The following TCF12 variants were observed in gnomAD, a reference collection of about 807,000 sequenced individuals.
The protein encoded by TCF12 is transcription factor 12.
TCF12 carries 45 observed loss-of-function variants against 86.0 expected under a neutral mutation model. That is an observed-to-expected ratio of 0.52 (90% CI 0.41 to 0.67). TCF12 has a LOEUF of 0.67. Ranked by LOEUF, TCF12 falls within the 30% of genes least tolerant of loss-of-function variation. The pLI is 0.00. For synonymous variants in TCF12, 330 were observed against 299.6 expected, an observed-to-expected ratio of 1.10 and a Z score of -1.05; for missense variants, 881 against 859.9, an observed-to-expected ratio of 1.02 and a Z score of -0.31.
At chr15:57,223,643 GTTTT>G (rs550493641) in intron 8 of TCF12, among the ~76,000 whole-genome samples, 797 of 69,604 alleles carry the variant, frequency 0.011, 8 homozygotes, top group African/African-American at 0.018. Flanking sequence ...TACCAATGAG[GTTTT>G]TTTTTTTTTT....
chr15:57,078,095 G>A (rs1333478599), intron 4 of TCF12, among the ~76,000 whole-genome samples: 7 of 152,140 alleles, frequency 4.6e-5, no homozygotes, highest in African/African-American at 1.7e-4. Flanking sequence ...GACACCAGAG[G>A]TGCTTATTGA....
At chr15:56,925,867 A>T (rs1455311730) in intron 3 of TCF12, among the ~76,000 whole-genome samples, 1 of 152,250 alleles carries the variant, frequency 6.6e-6, no homozygotes, top group Non-Finnish European at 1.5e-5. Context: ...ACTTAAATAT[A>T]TTCAAAAGAC....
At chr15:57,279,534 T>C (rs939185466) in intron 19 of TCF12, among the ~76,000 whole-genome samples, 1 of 152,208 alleles carries the variant, frequency 6.6e-6, no homozygotes, top group Non-Finnish European at 1.5e-5. Context: ...TTAGTCTTTT[T>C]TGAATCAAAG....
At position 57,232,330 on chromosome 15, in the gene TCF12, A is replaced by G. The variant is rs2059172778; in HGVS notation, c.725A>G (p.Asn242Ser). 1 of 1,614,068 alleles carries G rather than the reference A, an allele frequency of 6.2e-7. No individual in the cohort carries two copies. The highest frequency in any genetic ancestry group is 8.5e-7 in the Non-Finnish European group (1 of 1,179,926). Reference protein sequence around the residue: ...HNSSDLWSSSNGMSQPGFGGI... With the variant: ...HNSSDLWSSSSGMSQPGFGGI... Reference sequence around the variant, plus strand: ...TCTTCTGACCTTTGGAGTTCATCAAATGGGATGAGCCAGCCTGGTTTTGGT... The same window carrying G: ...TCTTCTGACCTTTGGAGTTCATCAAGTGGGATGAGCCAGCCTGGTTTTGGT... Residue 242 changes from asparagine to serine, a missense_variant, in exon 10 of 21, where the codon AAT (asparagine) becomes AGT (serine). Around this residue, in one of 3 missense-constraint regions of TCF12, gnomAD observed 766 missense variants for 718.9 expected, o/e 1.07. Transcript: ENST00000333725.
At chr15:57,032,185 A>T (rs528147600) in intron 3 of TCF12, among the ~76,000 whole-genome samples, 55 of 152,286 alleles carry the variant, frequency 3.6e-4, no homozygotes, top group African/African-American at 1.2e-3. Context: ...AGCATATTTT[A>T]AAAAGACTTT....
At chr15:57,117,376 G>A (rs1370954078) in intron 5 of TCF12, among the ~76,000 whole-genome samples, 3 of 152,110 alleles carry the variant, frequency 2.0e-5, no homozygotes, top group Non-Finnish European at 1.5e-5. Flanking sequence ...AGGAAAAAAA[G>A]GATCTTAACA....
At chr15:57,036,383 A>T (rs2066507639) in intron 3 of TCF12, among the ~76,000 whole-genome samples, 2 of 152,160 alleles carry the variant, frequency 1.3e-5, no homozygotes, top group South Asian at 4.1e-4. Flanking sequence ...CTAGAAGTAA[A>T]ATTGCCAGGT....
intron 8 of TCF12, among the ~76,000 whole-genome samples, chr15:57,221,209 G>A (rs1282825352): frequency 6.6e-6 from 1 of 152,150 alleles, no homozygotes; most frequent in Non-Finnish European, 1.5e-5. Context: ...TGTTCAAGCT[G>A]CCCATATAAG....
chr15:56,950,745 G>GTTT (rs71113040), intron 3 of TCF12, among the ~76,000 whole-genome samples: 7 of 85,910 alleles, frequency 8.1e-5, no homozygotes, highest in African/African-American at 1.6e-4. Context: ...TTATGACCAT[G>GTTT]TTTTTTTTTT....
intron 3 of TCF12, among the ~76,000 whole-genome samples, chr15:56,970,614 G>C (rs183751485): frequency 2.0e-5 from 3 of 152,126 alleles, no homozygotes; most frequent in Non-Finnish European, 4.4e-5. Flanking sequence ...TCTGCAACCT[G>C]TGTAAGGAGA....
At chr15:56,951,111 C>G (rs1217613120) in intron 3 of TCF12, among the ~76,000 whole-genome samples, 4 of 152,096 alleles carry the variant, frequency 2.6e-5, no homozygotes, top group African/African-American at 9.7e-5. Flanking sequence ...GTAGATATAT[C>G]TTCAACTCAC....
At chr15:57,170,712 A>AT (rs1491430117) in intron 6 of TCF12, among the ~76,000 whole-genome samples, 4 of 14,884 alleles carry the variant, frequency 2.7e-4, no homozygotes, top group African/African-American at 5.1e-4. Flanking sequence ...TATAATATAT[A>AT]ATATATATAT....
intron 6 of TCF12, among the ~76,000 whole-genome samples, chr15:57,181,656 A>G (rs1443672740): frequency 6.6e-6 from 1 of 152,254 alleles, no homozygotes; most frequent in Admixed American, 6.5e-5. Context: ...ACATCTGGAA[A>G]TTAAGCTGTT....
intron 8 of TCF12, among the ~76,000 whole-genome samples, chr15:57,214,864 A>G (rs989395059): frequency 7.2e-5 from 11 of 152,148 alleles, no homozygotes; most frequent in Non-Finnish European, 1.3e-4. Flanking sequence ...ATTTTCATAC[A>G]GTGGAAAGAT....
chr15:56,933,819 T>C (rs1339099810), intron 3 of TCF12, among the ~76,000 whole-genome samples: 1 of 152,044 alleles, frequency 6.6e-6, no homozygotes, highest in African/African-American at 2.4e-5. Flanking sequence ...TGGTCAGTTA[T>C]TGAAGATTAA....
chr15:57,077,126 A>ATT (rs1311848025), intron 4 of TCF12, among the ~76,000 whole-genome samples: 1 of 152,092 alleles, frequency 6.6e-6, no homozygotes, highest in Non-Finnish European at 1.5e-5. Flanking sequence ...TGTTTGAACT[A>ATT]TTCTACGTTC....
intron 16 of TCF12, among the ~76,000 whole-genome samples, chr15:57,259,687 G>C (rs879834274): frequency 6.6e-6 from 1 of 152,200 alleles, no homozygotes; most frequent in Non-Finnish European, 1.5e-5. Flanking sequence ...CTTGGGGTTT[G>C]CCTTGCCCTG....
chr15:57,244,947 G>A (rs536387853), intron 13 of TCF12, among the ~76,000 whole-genome samples: 1 of 152,074 alleles, frequency 6.6e-6, no homozygotes, highest in South Asian at 2.1e-4. Context: ...TTTAAAACTC[G>A]AACTATATTT....
rs573868901 is a variant in TCF12 at position 57,217,420 on chromosome 15, T to G, written c.580-13732T>G. Among the ~76,000 whole-genome samples, 19 of 152,310 alleles carry G rather than the reference T, an allele frequency of 1.2e-4. No homozygotes were observed. The East Asian group carries it at 3.7e-3, about 29-fold the overall frequency. On this transcript the variant is annotated intron_variant, in intron 8 of 20. Transcript: ENST00000333725. ...GGTGTTAAAATATTAAAATTTTCATTGTGCTTTAATAACCAAGGTTGCTTA... is the reference window on the plus strand; with the variant it reads ...GGTGTTAAAATATTAAAATTTTCATGGTGCTTTAATAACCAAGGTTGCTTA...
Sources: gnomAD v4.1 joint callset for allele counts (sites outside exome capture counted in the v4.1 genomes callset) on GRCh38, gnomAD v4.1.1 for gene constraint, gnomAD v4.1.1 regional missense constraint, MANE v1.5 for transcripts, NCBI Gene and HGNC (gene_info 2026-07-23, HGNC 2026-07-21) for gene names.